The following RGS6 variants were observed in gnomAD, a reference collection of about 807,000 sequenced individuals.
The protein encoded by RGS6 is regulator of G-protein signaling 6.
A neutral mutation model predicts 78.5 loss-of-function variants in RGS6; 30 were observed. The observed-to-expected ratio is 0.38, with a 90% confidence interval of 0.29 to 0.52. The LOEUF (loss-of-function observed/expected upper bound fraction) is 0.52, where lower values mean the gene tolerates loss of function less well. Among genes scored for constraint, RGS6 ranks in the 20% least tolerant of loss-of-function variants. The probability of loss-of-function intolerance (pLI) is 0.85; values close to 1 mark genes in which losing one functional copy is unlikely to be tolerated. For synonymous variants in RGS6, 206 were observed against 206.0 expected, an observed-to-expected ratio of 1.00 and a Z score of 0.00; for missense variants, 495 against 609.7, an observed-to-expected ratio of 0.81 and a Z score of 1.98.
intron 2 of RGS6, among the ~76,000 whole-genome samples, chr14:72,182,203 A>G (rs895252753): frequency 1.3e-5 from 2 of 151,960 alleles, no homozygotes; most frequent in Non-Finnish European, 2.9e-5. Flanking sequence ...CGGTCAAGAG[A>G]TCGAGACTAT....
In RGS6 at chr14:72,111,221, C is replaced by T. The variant is rs764474543; in HGVS notation, c.84+146346C>T. 5.3e-5 allele frequency among the ~76,000 whole-genome samples: 8 copies of T among 152,192 alleles called. No homozygotes were observed. The East Asian group carries it at 7.7e-4, about 15-fold the overall frequency. On this transcript the variant is annotated intron_variant, in intron 2 of 17. Transcript: ENST00000553525. ...TTCCACAGTTACTGTAAAAAGAAAT[C>T]GATTCTTTTTAGCTAAAGTAAATGA...
intron 2 of RGS6, among the ~76,000 whole-genome samples, chr14:72,213,077 G>GGTATTTTATAGT (rs1456622428): frequency 6.6e-6 from 1 of 152,166 alleles, no homozygotes; most frequent in African/African-American, 2.4e-5. Context: ...ATTCCCCTGG[G>GGTATTTTATAGT]TTATTTTATA....
chr14:71,894,658 G>C, the RGS6 span, among the ~76,000 whole-genome samples: 17 of 152,152 alleles, frequency 1.1e-4, no homozygotes, highest in Non-Finnish European at 2.4e-4. Flanking sequence ...CAAGATCACA[G>C]TTTTGAGTGA....
chr14:72,001,895 C>CTTTTTTTTTTTTTTTTTTTTTTTTTTT (rs59274317), intron 2 of RGS6, among the ~76,000 whole-genome samples: 1 of 92,552 alleles, frequency 1.1e-5, no homozygotes. Context: ...ATCCATTAAT[C>CTTTTTTTTTTTTTTTTTTTTTTTTTTT]TTTTTTTTTT....
chr14:72,320,735 GA>G (rs914706175), intron 2 of RGS6, among the ~76,000 whole-genome samples: 48 of 146,976 alleles, frequency 3.3e-4, no homozygotes, highest in East Asian at 1.8e-3. Context: ...TTTTGTTATA[GA>G]AAAAAAAAAC....
At chr14:72,048,807 C>T (rs1456892159) in intron 2 of RGS6, among the ~76,000 whole-genome samples, 1 of 151,938 alleles carries the variant, frequency 6.6e-6, no homozygotes, top group African/African-American at 2.4e-5. Context: ...ACTAACAGTA[C>T]ATAGCCATTG....
At chr14:72,496,007 C>T (rs563439444) in intron 13 of RGS6, among the ~76,000 whole-genome samples, 1 of 85,132 alleles carries the variant, frequency 1.2e-5, no homozygotes, top group East Asian at 5.9e-4. Flanking sequence ...TTTTATTTCC[C>T]TTTTCATGTC....
chr14:72,124,042 A>G (rs529939907), intron 2 of RGS6, among the ~76,000 whole-genome samples: 137 of 152,280 alleles, frequency 9.0e-4, no homozygotes, highest in African/African-American at 3.2e-3. Context: ...TTTCCCCTTA[A>G]GCTGCTGGCT....
the RGS6 span, among the ~76,000 whole-genome samples, chr14:72,587,315 T>G: frequency 6.6e-6 from 1 of 151,962 alleles, no homozygotes; most frequent in Non-Finnish European, 1.5e-5. Context: ...GACTGAGTAG[T>G]GTGAGATGGC....
chr14:72,122,775 A>C, intron 2 of RGS6, among the ~76,000 whole-genome samples: 1 of 148,130 alleles, frequency 6.8e-6, no homozygotes, highest in East Asian at 2.0e-4. Context: ...TATACTCCCT[A>C]AGAATCTTTT....
chr14:72,481,531 G>A (rs1021883529), intron 12 of RGS6, among the ~76,000 whole-genome samples: 8 of 152,082 alleles, frequency 5.3e-5, no homozygotes, highest in East Asian at 1.9e-4. Context: ...GGGGCTTTGC[G>A]GGAGAAAAGA....
intron 2 of RGS6, among the ~76,000 whole-genome samples, chr14:72,342,545 G>A (rs1364578404): frequency 2.7e-5 from 4 of 146,772 alleles, no homozygotes; most frequent in African/African-American, 7.6e-5. Context: ...GGGTGACAAA[G>A]TGAGACTGAG....
At chr14:72,610,630 A>G in the RGS6 span, among the ~76,000 whole-genome samples, 3 of 152,200 alleles carry the variant, frequency 2.0e-5, no homozygotes, top group Non-Finnish European at 4.4e-5. Flanking sequence ...TTGTGAATCG[A>G]CCGTGTGACG....
chr14:72,283,744 T>C (rs534996967), intron 2 of RGS6, among the ~76,000 whole-genome samples: 1 of 152,288 alleles, frequency 6.6e-6, no homozygotes, highest in South Asian at 2.1e-4. Flanking sequence ...TAGGGAGCTA[T>C]TGTAAAGATA....
chr14:72,555,333 C>G (rs1195892113), intron 17 of RGS6, among the ~76,000 whole-genome samples: 1 of 152,200 alleles, frequency 6.6e-6, no homozygotes, highest in Non-Finnish European at 1.5e-5. Flanking sequence ...GACCTGCACC[C>G]CAGCTCAATG....
At position 72,300,184 on chromosome 14, in the gene RGS6, CT is replaced by C. The variant is rs60892862; in HGVS notation, c.85-51901del. 1.3e-3 allele frequency among the ~76,000 whole-genome samples: 192 copies of C among 149,426 alleles called. 1 individual carries two copies. The highest frequency in any genetic ancestry group is 0.011 in the Middle Eastern group (3 of 284). On this transcript the variant is annotated intron_variant, in intron 2 of 17. Transcript: ENST00000553525. ...ATAGTAGCTTTTACTTTTTCTCTATCTTTTTTTTTTCTGATACTATTGATTG... is the reference window on the plus strand; with the variant it reads ...ATAGTAGCTTTTACTTTTTCTCTATCTTTTTTTTTCTGATACTATTGATTG...
At chr14:72,106,239 A>C (rs755604561) in intron 2 of RGS6, among the ~76,000 whole-genome samples, 2 of 152,236 alleles carry the variant, frequency 1.3e-5, no homozygotes, top group African/African-American at 4.8e-5. Context: ...GAAATTAAAC[A>C]CAGACTCAAA....
chr14:71,908,923 T>C, the RGS6 span, among the ~76,000 whole-genome samples: 1 of 152,196 alleles, frequency 6.6e-6, no homozygotes, highest in African/African-American at 2.4e-5. Context: ...CCATCAATTA[T>C]AATTACAGAA....
intron 17 of RGS6, among the ~76,000 whole-genome samples, chr14:72,560,243 G>T (rs1448423447): frequency 6.6e-6 from 1 of 152,206 alleles, no homozygotes; most frequent in African/African-American, 2.4e-5. Context: ...AGGAGGACCT[G>T]ATATTGGTGT....
Sources: allele counts gnomAD v4.1 joint callset (sites outside exome capture counted in the v4.1 genomes callset), GRCh38; gene constraint gnomAD v4.1.1; transcripts MANE v1.5; gene names NCBI Gene and HGNC (gene_info 2026-07-23, HGNC 2026-07-21).